LOC122539214: variants seen among roughly 807,000 people sequenced by gnomAD.
chr19:52,681,752 G>A, the LOC122539214 span, among the ~76,000 whole-genome samples: 2 of 152,174 alleles, frequency 1.3e-5, no homozygotes, highest in East Asian at 3.8e-4. Context: ...ATCTAATGGA[G>A]AGAACATGAA....
At chr19:52,688,274 G>A in the LOC122539214 span, among the ~76,000 whole-genome samples, 1 of 151,856 alleles carries the variant, frequency 6.6e-6, no homozygotes, top group Non-Finnish European at 1.5e-5. Flanking sequence ...GAGCTCAAGT[G>A]ATCCTCCTCC....
chr19:52,665,406 A>G, the LOC122539214 span, among the ~76,000 whole-genome samples: 2 of 149,308 alleles, frequency 1.3e-5, no homozygotes, highest in African/African-American at 5.0e-5. Flanking sequence ...CTCCGTCTCA[A>G]TAAGAAAAAA....
the LOC122539214 span, among the ~76,000 whole-genome samples, chr19:52,683,522 AAAG>A: frequency 0.45 from 30,791 of 68,020 alleles, 8,526 homozygotes; most frequent in African/African-American, 0.66. Flanking sequence ...AAGGGAATCC[AAAG>A]GGAAGGGCAA....
the LOC122539214 span, among the ~76,000 whole-genome samples, chr19:52,660,035 C>CA: frequency 6.6e-6 from 1 of 151,882 alleles, no homozygotes; most frequent in Non-Finnish European, 1.5e-5. Context: ...ACTAAAAATA[C>CA]AAAAAATTAG....
At chr19:52,655,293 C>T in the LOC122539214 span, 3 of 331,636 alleles carry the variant, frequency 9.0e-6, no homozygotes, top group South Asian at 1.7e-4. Context: ...CTGCTCAGGG[C>T]TACCAGGGGC....
At chr19:52,654,672 ACAT>A in the LOC122539214 span, among the ~76,000 whole-genome samples, 1 of 152,294 alleles carries the variant, frequency 6.6e-6, no homozygotes, top group Non-Finnish European at 1.5e-5. Flanking sequence ...AACAGAGATC[ACAT>A]CATTGCACTC....
chr19:52,676,662 A>G, the LOC122539214 span, among the ~76,000 whole-genome samples: 4 of 141,574 alleles, frequency 2.8e-5, no homozygotes, highest in East Asian at 2.0e-4. Flanking sequence ...CAGGATGACA[A>G]TGGCGGCTTT....
At chr19:52,669,051 A>C in the LOC122539214 span, among the ~76,000 whole-genome samples, 12,444 of 152,216 alleles carry the variant, frequency 0.082, 550 homozygotes, top group Non-Finnish European at 0.11. Flanking sequence ...AAAATTTTTC[A>C]AAAGTTTACC....
chr19:52,651,682 T>TGAAAAAAAAAAAAAAAAA, the LOC122539214 span: 1 of 39,860 alleles, frequency 2.5e-5, no homozygotes, highest in Non-Finnish European at 4.2e-5. Context: ...AGACTCTGTC[T>TGAAAAAAAAAAAAAAAAA]CAAAAAAAAA....
chr19:52,667,888 C>T, the LOC122539214 span, among the ~76,000 whole-genome samples: 71 of 152,038 alleles, frequency 4.7e-4, no homozygotes, highest in Non-Finnish European at 8.7e-4. Context: ...TGAAATGTAG[C>T]TTATCTGGTA....
At chr19:52,654,311 T>A in the LOC122539214 span, 16 of 1,488,478 alleles carry the variant, frequency 1.1e-5, no homozygotes, top group Non-Finnish European at 1.5e-5. Flanking sequence ...ATGTGATGAC[T>A]TTTATGTCTT....
chr19:52,684,338 C>T, the LOC122539214 span, among the ~76,000 whole-genome samples: 80 of 152,004 alleles, frequency 5.3e-4, 3 homozygotes, highest in South Asian at 0.016. Flanking sequence ...TACACTCCAG[C>T]CTGGGTGACA....
the LOC122539214 span, among the ~76,000 whole-genome samples, chr19:52,681,307 C>G: frequency 1.1e-5 from 1 of 89,560 alleles, no homozygotes; most frequent in African/African-American, 3.8e-5. Flanking sequence ...AAAAAGCAAA[C>G]GAACATAGAG....
At chr19:52,685,897 CAAAAAAAAAAAAA>C in the LOC122539214 span, among the ~76,000 whole-genome samples, 3 of 132,440 alleles carry the variant, frequency 2.3e-5, no homozygotes, top group Admixed American at 8.4e-5. Flanking sequence ...GTAACTGTCA[CAAAAAAAAAAAAA>C]AAAAAAAAAA....
the LOC122539214 span, among the ~76,000 whole-genome samples, chr19:52,674,899 G>T: frequency 6.6e-6 from 1 of 151,990 alleles, no homozygotes; most frequent in Admixed American, 6.6e-5. Flanking sequence ...ACAAAAAACC[G>T]GCTGGGAAAA....
the LOC122539214 span, among the ~76,000 whole-genome samples, chr19:52,662,350 G>A: frequency 2.6e-3 from 400 of 152,258 alleles, 3 homozygotes; most frequent in Non-Finnish European, 4.0e-3. Flanking sequence ...ATTTGGAGAC[G>A]CCTGTTTAAT....
the LOC122539214 span, among the ~76,000 whole-genome samples, chr19:52,683,802 C>T: frequency 4.6e-3 from 693 of 152,240 alleles, 6 homozygotes; most frequent in African/African-American, 0.016. Context: ...ACATTTGCCC[C>T]AGCCCCTCAG....
At chr19:52,653,861 G>C in the LOC122539214 span, among the ~76,000 whole-genome samples, 3 of 152,126 alleles carry the variant, frequency 2.0e-5, no homozygotes, top group Admixed American at 6.5e-5. Context: ...CTTCTTAAAT[G>C]TGAGCTATAA....
chr19:52,681,945 C>G, the LOC122539214 span, among the ~76,000 whole-genome samples: 28,479 of 152,100 alleles, frequency 0.19, 3,181 homozygotes, highest in East Asian at 0.35. Flanking sequence ...TTGCCCAGGT[C>G]TAAGCAATTC....
Sources: allele counts gnomAD v4.1 joint callset (sites outside exome capture counted in the v4.1 genomes callset), GRCh38; gene constraint gnomAD v4.1.1; transcripts MANE v1.5.